Variants in INTS6 observed in about 807,000 individuals in gnomAD.
INTS6 encodes integrator complex subunit 6.
Under a neutral mutation model 104.9 loss-of-function variants are expected in INTS6, and 16 were observed. The ratio of observed to expected loss-of-function variants is 0.15; its 90% confidence interval spans 0.10 to 0.23. The LOEUF (loss-of-function observed/expected upper bound fraction) is 0.23, where lower values mean the gene tolerates loss of function less well. Ranked by LOEUF, INTS6 falls within the 10% of genes least tolerant of loss-of-function variation. The probability of loss-of-function intolerance (pLI) is 1.00; values close to 1 mark genes in which losing one functional copy is unlikely to be tolerated. For missense variants in INTS6, 584 were observed against 1,062.8 expected (o/e 0.55, Z 6.26); for synonymous variants, 324 against 358.7 (o/e 0.90, Z 1.09).
chr13:51,450,563 C>T (rs566936753), intron 3 of INTS6: 8 of 985,490 alleles, frequency 8.1e-6, no homozygotes, highest in African/African-American at 7.0e-5. Flanking sequence ...TGAAAAACTT[C>T]TTACCTTTCA....
At chr13:51,421,882 A>G (rs1310644712) in intron 4 of INTS6, among the ~76,000 whole-genome samples, 2 of 152,156 alleles carry the variant, frequency 1.3e-5, no homozygotes, top group East Asian at 3.8e-4. Context: ...CTCTTAACCT[A>G]GCATTCTGTA....
intron 4 of INTS6, among the ~76,000 whole-genome samples, chr13:51,408,394 C>T (rs755029332): frequency 1.3e-5 from 2 of 152,106 alleles, no homozygotes; most frequent in Non-Finnish European, 2.9e-5. Context: ...ATCCACCCTC[C>T]TTGGTGTCCC....
At chr13:51,418,375 A>G (rs1249426577) in intron 4 of INTS6, among the ~76,000 whole-genome samples, 1 of 152,194 alleles carries the variant, frequency 6.6e-6, no homozygotes, top group Admixed American at 6.5e-5. Context: ...TTCCTTGAAA[A>G]AAAAAAATCA....
In INTS6 at chr13:51,452,705, A is replaced by T; in HGVS notation, c.-180T>A. On this transcript the variant is annotated 5_prime_UTR_variant, in exon 1 of 18. Coordinates refer to ENST00000311234, the MANE Select transcript of INTS6 (RefSeq NM_012141.3). The surrounding 1 kb of genome is among the most constrained non-coding windows in gnomAD (Gnocchi z 4.2). The stretch of plus-strand genomic sequence containing the variant: ...GTTTCTCCCCCGATAGTTGAGAGGA[A>T]ACTCCCCAGACCCAGTGCTCCCCGT... 2 of 1,348,038 alleles carry T rather than the reference A, an allele frequency of 1.5e-6. No individual in the cohort carries two copies. The highest frequency in any genetic ancestry group is 3.0e-5 in the South Asian group (2 of 66,714). The allele number at this position is 1,348,038 out of a possible 1,614,324, so 83.5% of individuals were successfully genotyped here. A position where few individuals can be genotyped will look rare whatever the true frequency, so the allele number is the denominator to read the frequency against.
the INTS6 span, among the ~76,000 whole-genome samples, chr13:51,336,167 C>T: frequency 6.6e-6 from 1 of 152,314 alleles, no homozygotes; most frequent in South Asian, 2.1e-4. Flanking sequence ...GTTAAAGTTT[C>T]CAACCTATTT....
chr13:51,352,647 C>T (rs922489348), downstream of INTS6, among the ~76,000 whole-genome samples: 2 of 152,060 alleles, frequency 1.3e-5, no homozygotes, highest in African/African-American at 4.8e-5. Context: ...TCAGAGTGGA[C>T]ATTCTTGTCT....
chr13:51,359,832 T>C (rs1013612492), downstream of INTS6, among the ~76,000 whole-genome samples: 1 of 152,114 alleles, frequency 6.6e-6, no homozygotes, highest in African/African-American at 2.4e-5. Context: ...TTTGCTTAAT[T>C]AGCTAGTAAG....
In INTS6 at chr13:51,362,032, C is replaced by T. The variant is rs1955588294; in HGVS notation, c.*3720G>A. The T allele has an allele frequency of 6.3e-7, 1 of 1,599,902 alleles. No homozygotes were observed. Among genetic ancestry groups the T allele is most frequent in the Admixed American group, 1.8e-5 (1 of 56,470 alleles). On this transcript the variant is annotated 3_prime_UTR_variant, in exon 18 of 18. Transcript: ENST00000311234. ...TGGTGCTTCAGAAGCTACCCAGTTG[C>T]TATCTTCTATCCTAAGAAAGGGGAC...
chr13:51,422,740 A>T (rs1015312275), intron 4 of INTS6, among the ~76,000 whole-genome samples: 1 of 152,164 alleles, frequency 6.6e-6, no homozygotes, highest in Non-Finnish European at 1.5e-5. Context: ...TGCTAACAGA[A>T]TGAAGTCCTG....
the INTS6 span, chr13:51,341,004 C>G: frequency 6.8e-7 from 1 of 1,477,750 alleles, no homozygotes; most frequent in Non-Finnish European, 9.2e-7. Context: ...GGTCCCAGTC[C>G]TCTGTGGGAC....
downstream of INTS6, among the ~76,000 whole-genome samples, chr13:51,349,792 T>C (rs1027353219): frequency 6.6e-5 from 10 of 152,212 alleles, no homozygotes; most frequent in Non-Finnish European, 1.3e-4. Context: ...AACACAACTA[T>C]TAGTTAGCAC....
rs375265392 is a variant in INTS6 at position 51,361,780 on chromosome 13, T to C, written c.*3972A>G. Reference sequence around the variant, plus strand: ...TATTTTCTTAAAAATGCACAGAAAATGCAATGGAATTTTTCTTTCTTTCCT... The same window carrying C: ...TATTTTCTTAAAAATGCACAGAAAACGCAATGGAATTTTTCTTTCTTTCCT... On this transcript the variant is annotated 3_prime_UTR_variant, in exon 18 of 18. Transcript: ENST00000311234. The C allele has an allele frequency of 6.4e-7, 1 of 1,559,088 alleles. No individual in the cohort carries two copies. Among genetic ancestry groups the C allele is most frequent in the South Asian group, 1.2e-5 (1 of 83,212 alleles).
intron 4 of INTS6, among the ~76,000 whole-genome samples, chr13:51,406,109 T>A (rs952796512): frequency 1.3e-5 from 2 of 152,022 alleles, no homozygotes; most frequent in African/African-American, 2.4e-5. Context: ...CTAGACACAA[T>A]CTCCAATACC....
At chr13:51,354,131 A>G (rs1436631429) in exon 4 of INTS6, 4 of 152,168 alleles carry the variant, frequency 2.6e-5, no homozygotes, top group African/African-American at 9.7e-5. Flanking sequence ...ATACTCTATT[A>G]ATTGTCAATA....
intron 5 of INTS6, among the ~76,000 whole-genome samples, chr13:51,391,968 A>G (rs1011269326): frequency 5.3e-5 from 8 of 152,182 alleles, no homozygotes; most frequent in Non-Finnish European, 1.2e-4. Flanking sequence ...TGGCACAGCC[A>G]TCCATCTCTA....
chr13:51,450,125 T>C (rs1323178350), intron 3 of INTS6: 1 of 985,112 alleles, frequency 1.0e-6, no homozygotes, highest in Admixed American at 6.1e-5. Flanking sequence ...CTTGGGAAAA[T>C]ACAACATATA....
chr13:51,375,766 TGCGC>T (rs1555283864), intron 13 of INTS6, among the ~76,000 whole-genome samples: 33 of 147,310 alleles, frequency 2.2e-4, no homozygotes, highest in African/African-American at 7.5e-4. Context: ...TGTGTGTGTG[TGCGC>T]GCGCGTGCGC....
In INTS6 at chr13:51,364,526, A is replaced by G. The variant is rs1955648236; in HGVS notation, c.*1226T>C. The G allele has an allele frequency of 2.6e-6, 1 of 383,750 alleles. No homozygotes were observed. Among genetic ancestry groups the G allele is most frequent in the Non-Finnish European group, 4.6e-6 (1 of 215,234 alleles). The allele number at this position is 383,750 out of a possible 1,614,324, so 23.8% of individuals were successfully genotyped here. On this transcript the variant is annotated 3_prime_UTR_variant, in exon 18 of 18. Transcript: ENST00000311234. ...TACCCCCCAAACCACTAAAAGGCAC[A>G]GCAGTGATCATGAATGGTGAGTGAG... is the stretch of plus-strand genomic sequence containing the variant.
At chr13:51,417,600 G>A (rs1042210106) in intron 4 of INTS6, among the ~76,000 whole-genome samples, 38 of 151,548 alleles carry the variant, frequency 2.5e-4, no homozygotes, top group Admixed American at 2.0e-3. Flanking sequence ...GATTACAAGC[G>A]CATGCCACCA....
Sources: allele counts gnomAD v4.1 joint callset (sites outside exome capture counted in the v4.1 genomes callset), GRCh38; gene constraint gnomAD v4.1.1; non-coding constraint Gnocchi (gnomAD v3.1); transcripts MANE v1.5; gene names NCBI Gene and HGNC (gene_info 2026-07-23, HGNC 2026-07-21).